ZNF845: variants seen among roughly 807,000 people sequenced by gnomAD.
The protein encoded by ZNF845 is zinc finger protein 845.
Under a neutral mutation model 76.1 loss-of-function variants are expected in ZNF845, and 59 were observed. That is an observed-to-expected ratio of 0.78 (90% confidence interval 0.63 to 0.96). The LOEUF (loss-of-function observed/expected upper bound fraction) is 0.96. ZNF845 is among the 40% of genes least tolerant of loss of function. ZNF845 has a pLI of 0.00. For missense variants in ZNF845, 1,045 were observed against 1,172.8 expected (o/e 0.89, Z 1.59); for synonymous variants, 361 against 386.9 (o/e 0.93, Z 0.78).
At chr19:53,339,420 C>T (rs918100967) in intron 1 of ZNF845, among the ~76,000 whole-genome samples, 7 of 152,162 alleles carry the variant, frequency 4.6e-5, no homozygotes, top group African/African-American at 7.2e-5. Flanking sequence ...CCCAGGTGGG[C>T]GTCTGAGGGA....
chr19:53,342,244 A>G lies in ZNF845; in HGVS notation c.15+922A>G, dbSNP rs553624171. 2.1e-3 allele frequency among the ~76,000 whole-genome samples: 319 copies of G among 151,880 alleles called. 1 individual carries two copies. The highest frequency in any genetic ancestry group is 7.1e-3 in the African/African-American group (295 of 41,444). On this transcript the variant is annotated intron_variant, in intron 2 of 3. Coordinates refer to ENST00000458035, the MANE Select transcript of ZNF845 (RefSeq NM_138374.3). ...ATTCTCCTGCCTCAGCCTCCCAAGT[A>G]TCTGGGATTATAGGCACGCACCACC...
At position 53,353,258 on chromosome 19, in the gene ZNF845, T is replaced by C. The variant is rs1388518623; in HGVS notation, c.2583T>C (p.Cys861=). The C allele has an allele frequency of 3.7e-6, 6 of 1,613,798 alleles. No individual in the cohort carries two copies. The South Asian group carries it at 6.6e-5, about 18-fold the overall frequency. The change falls in exon 4 of 4, where the codon TGT becomes TGC. Residue 861 remains cysteine (C), a synonymous_variant. Transcript: ENST00000458035. ...ATACTGGAGAAAAACCTTACAAGTG[T>C]AGTGAATGTGGCAAGGTTTTTAATA... ...AIHTGEKPYK[C]SECGKVFNRK...
chr19:53,334,186 CCAG>C (rs1311263401), intron 1 of ZNF845, among the ~76,000 whole-genome samples: 3 of 152,162 alleles, frequency 2.0e-5, no homozygotes, highest in Non-Finnish European at 4.4e-5. Context: ...CTTATGCTCC[CCAG>C]GTCTCCCCAC....
intron 1 of ZNF845, among the ~76,000 whole-genome samples, chr19:53,340,451 C>G (rs754282687): frequency 2.0e-5 from 3 of 152,112 alleles, no homozygotes; most frequent in Non-Finnish European, 4.4e-5. Context: ...CCTTAACTCT[C>G]TGCTGGGAGG....
rs751303025 is a variant in ZNF845 at position 53,352,256 on chromosome 19, A to C, written c.1581A>C (p.Glu527Asp). 6.2e-7 allele frequency: 1 copy of C among 1,613,284 alleles called. No homozygotes were observed. The highest frequency in any genetic ancestry group is 8.5e-7 in the Non-Finnish European group (1 of 1,179,730). Residue 527 changes from glutamate (E) to aspartate (D), a missense_variant, in exon 4 of 4, where the codon GAA becomes GAC. Glu to Asp is a conservative substitution (Grantham distance 45). Transcript: ENST00000458035. The stretch of plus-strand genomic sequence containing the variant: ...GAGAGAAACTTTACAAGTGTAATGA[A>C]TGTGGCAAGACCTTTAGTCGGAAGT... Reference protein sequence around the residue: ...HTGEKLYKCNECGKTFSRKSS... With the variant: ...HTGEKLYKCNDCGKTFSRKSS...
At position 53,351,174 on chromosome 19, in the gene ZNF845, T is replaced by C. The variant is rs1194441802; in HGVS notation, c.499T>C (p.Ser167Pro). Reference protein sequence around the residue: ...EGKIGNQVEKSINSASLVSTS... With the variant: ...EGKIGNQVEKPINSASLVSTS... ...GAAAATTGGTAATCAAGTTGAGAAGTCTATCAACAGTGCTTCGTTGGTTTC... is the reference window on the plus strand; with the variant it reads ...GAAAATTGGTAATCAAGTTGAGAAGCCTATCAACAGTGCTTCGTTGGTTTC... The change falls in exon 4 of 4, where the codon TCT (serine) becomes CCT (proline). Residue 167 changes from serine (S) to proline (P), a missense_variant. Ser to Pro is a moderately conservative substitution (Grantham distance 74). Transcript: ENST00000458035. 1.9e-6 allele frequency: 3 copies of C among 1,614,212 alleles called. No homozygotes were observed. Among genetic ancestry groups the C allele is most frequent in the Non-Finnish European group, 2.5e-6 (3 of 1,180,044 alleles).
intron 1 of ZNF845, among the ~76,000 whole-genome samples, chr19:53,334,011 T>C (rs1159445606): frequency 6.6e-6 from 1 of 152,192 alleles, no homozygotes; most frequent in East Asian, 1.9e-4. Flanking sequence ...TATAGGGCAA[T>C]GTATACACTT....
intron 2 of ZNF845, 137 bp downstream of exon 2, chr19:53,341,459 C>T (rs565316849): frequency 1.4e-5 from 19 of 1,338,338 alleles, no homozygotes; most frequent in Non-Finnish European, 2.0e-5. Flanking sequence ...TTCCCTCAGT[C>T]CCTCTCATCT....
At chr19:53,333,967 G>T (rs1419754919) in intron 1 of ZNF845, among the ~76,000 whole-genome samples, 175 bp downstream of exon 1, 1 of 152,204 alleles carries the variant, frequency 6.6e-6, no homozygotes, top group African/African-American at 2.4e-5. Flanking sequence ...GTTTAAAGTC[G>T]CCCTGAGGAT....
At position 53,350,978 on chromosome 19, in the gene ZNF845, G is replaced by A. The variant is rs2085329308; in HGVS notation, c.303G>A (p.Trp101Ter). The change falls in exon 4 of 4, where the codon TGG becomes TGA. Residue 101 changes from tryptophan (W) to a stop codon, truncating the protein, a stop_gained. Transcript: ENST00000458035. LOFTEE classifies it high-confidence loss of function. The stretch of plus-strand genomic sequence containing the variant: ...ATATTCATGATTTTGAGTTTCAGTG[G>A]AAAGAAGATGAAAGAAATAGCCATG... ...EKDIHDFEFQWKEDERNSHEA... is the reference protein window; with the variant it reads ...EKDIHDFEFQ 1 of 1,613,990 alleles carries A rather than the reference G, an allele frequency of 6.2e-7. No individual in the cohort carries two copies. The highest frequency in any genetic ancestry group is 1.3e-5 in the African/African-American group (1 of 74,892).
intron 3 of ZNF845, chr19:53,346,198 C>A: frequency 4.1e-6 from 1 of 242,600 alleles, no homozygotes; most frequent in Non-Finnish European, 8.5e-6. Flanking sequence ...TTCATGTTAT[C>A]TGTATCTCTT....
At position 53,333,773 on chromosome 19, in the gene ZNF845, G is replaced by C. The variant is rs908294762; in HGVS notation, c.-93G>C. 6.2e-6 allele frequency: 1 copy of C among 160,040 alleles called. No individual in the cohort carries two copies. Among genetic ancestry groups the C allele is most frequent in the African/African-American group, 2.4e-5 (1 of 41,696 alleles). The allele number at this position is 160,040 out of a possible 1,614,324, so 9.9% of individuals were successfully genotyped here. On this transcript the variant is annotated 5_prime_UTR_variant, in exon 1 of 4. Transcript: ENST00000458035. ...CAAACCCGGAAGCGGATCGCATGGA[G>C]TGATGGTCCCACCGCAGCGGTGAGT...
intron 3 of ZNF845, among the ~76,000 whole-genome samples, chr19:53,346,708 A>G (rs1051509498): frequency 1.3e-5 from 2 of 152,100 alleles, no homozygotes; most frequent in Admixed American, 6.6e-5. Context: ...ACCTGTGAAA[A>G]CTATTCTTTC....
intron 2 of ZNF845, among the ~76,000 whole-genome samples, chr19:53,343,011 G>T (rs1599974858): frequency 6.6e-6 from 1 of 151,812 alleles, no homozygotes; most frequent in Admixed American, 6.6e-5. Flanking sequence ...TAGAGACAGG[G>T]TTTCACCATG....
Position 53,351,376 on chromosome 19 carries a change from A to C in ZNF845, c.701A>C (p.Gln234Pro). The change falls in exon 4 of 4, where the codon CAG becomes CCG. Residue 234 changes from glutamine to proline, a missense_variant. Physicochemically the swap from Gln to Pro is moderately conservative, Grantham distance 76. Transcript: ENST00000458035. ...FNYSSVLRKH[Q>P]IIHLGAKQYK... ...TATAGCTCAGTCTTAAGGAAACATC[A>C]GATAATCCATTTAGGAGCGAAACAA... 1 of 1,614,250 alleles carries C rather than the reference A, an allele frequency of 6.2e-7. No individual in the cohort carries two copies. Among genetic ancestry groups the C allele is most frequent in the African/African-American group, 1.3e-5 (1 of 75,070 alleles).
Position 53,351,355 on chromosome 19 carries a change from G to A in ZNF845, c.680G>A (p.Ser227Asn). The A allele has an allele frequency of 6.2e-7, 1 of 1,614,188 alleles. No individual in the cohort carries two copies. Among genetic ancestry groups the A allele is most frequent in the Non-Finnish European group, 8.5e-7 (1 of 1,180,030 alleles). The change falls in exon 4 of 4, where the codon AGC (serine) becomes AAC (asparagine). Residue 227 changes from serine to asparagine, a missense_variant. Transcript: ENST00000458035. Reference protein sequence around the residue: ...CNESGKAFNYSSVLRKHQIIH... With the variant: ...CNESGKAFNYNSVLRKHQIIH... ...GAGAGTGGCAAAGCCTTTAATTATAGCTCAGTCTTAAGGAAACATCAGATA... is the reference window on the plus strand; with the variant it reads ...GAGAGTGGCAAAGCCTTTAATTATAACTCAGTCTTAAGGAAACATCAGATA...
At chr19:53,342,770 G>A (rs567939479) in intron 2 of ZNF845, among the ~76,000 whole-genome samples, 1 of 152,246 alleles carries the variant, frequency 6.6e-6, no homozygotes, top group East Asian at 1.9e-4. Flanking sequence ...TTGTTGTACA[G>A]ATTATTTCAT....
In ZNF845 at chr19:53,353,382, G is replaced by T. The variant is rs1191855888; in HGVS notation, c.2707G>T (p.Ala903Ser). Residue 903 changes from alanine (A) to serine (S), a missense_variant, in exon 4 of 4, where the codon GCA becomes TCA. Coordinates refer to ENST00000458035, the MANE Select transcript of ZNF845 (RefSeq NM_138374.3). ...GGTTTTTAATCAACAAGCACACCTTGCATGTCATCATAGAATTCATACTGG... is the reference window on the plus strand; with the variant it reads ...GGTTTTTAATCAACAAGCACACCTTTCATGTCATCATAGAATTCATACTGG... ...GKVFNQQAHL[A>S]CHHRIHTGEK... 6.2e-7 allele frequency: 1 copy of T among 1,612,834 alleles called. No individual in the cohort carries two copies. The highest frequency in any genetic ancestry group is 8.5e-7 in the Non-Finnish European group (1 of 1,179,614).
intron 3 of ZNF845, 39 bp downstream of exon 3, chr19:53,345,671 T>C (rs775268033): frequency 1.2e-6 from 2 of 1,604,608 alleles, no homozygotes; most frequent in South Asian, 2.2e-5. Flanking sequence ...GATGTGCCCT[T>C]GTGTATCTTT....
Sources: gnomAD v4.1 joint callset for allele counts (sites outside exome capture counted in the v4.1 genomes callset) on GRCh38, gnomAD v4.1.1 for gene constraint, MANE v1.5 for transcripts, NCBI Gene and HGNC (gene_info 2026-07-23, HGNC 2026-07-21) for gene names.